HELZ: variants seen among roughly 807,000 people sequenced by gnomAD.
HELZ encodes the protein helicase with zinc finger, also known as ATP-dependent RNA helicase with zinc finger domain.
In HELZ, 23 loss-of-function variants were observed where a neutral mutation model predicts 218.2. That is an observed-to-expected ratio of 0.11 (90% confidence interval 0.08 to 0.15). The LOEUF (loss-of-function observed/expected upper bound fraction) is 0.15. Among genes scored for constraint, HELZ ranks in the 10% least tolerant of loss-of-function variants. The pLI, the probability that HELZ is intolerant of heterozygous loss-of-function variation, is 1.00. For missense variants in HELZ, 1,813 were observed against 2,353.7 expected, an observed-to-expected ratio of 0.77 and a Z score of 4.75; for synonymous variants, 814 against 829.4, an observed-to-expected ratio of 0.98 and a Z score of 0.32.
At chr17:67,088,314 C>T (rs187083262) in intron 31 of HELZ, among the ~76,000 whole-genome samples, 3 of 152,170 alleles carry the variant, frequency 2.0e-5, no homozygotes, top group Admixed American at 6.5e-5. Flanking sequence ...GTACTTTCAC[C>T]ACTGTTGTTA....
chr17:67,191,170 C>T (rs1295773331), intron 9 of HELZ, among the ~76,000 whole-genome samples: 1 of 152,158 alleles, frequency 6.6e-6, no homozygotes, highest in African/African-American at 2.4e-5. Flanking sequence ...CATTTTAAGG[C>T]TTTTACTTTT....
chr17:67,184,277 T>C (rs2039691118), intron 12 of HELZ, among the ~76,000 whole-genome samples: 2 of 152,228 alleles, frequency 1.3e-5, no homozygotes, highest in Admixed American at 1.3e-4. Flanking sequence ...TCTAAACTTA[T>C]TTGTACATGG....
intron 3 of HELZ, among the ~76,000 whole-genome samples, chr17:67,226,685 G>T (rs759278491): frequency 6.6e-6 from 1 of 152,000 alleles, no homozygotes; most frequent in Non-Finnish European, 1.5e-5. Flanking sequence ...TTCACACAAA[G>T]ATCTGAACAC....
intron 3 of HELZ, among the ~76,000 whole-genome samples, chr17:67,222,377 T>C (rs1004044117): frequency 6.6e-6 from 1 of 152,138 alleles, no homozygotes; most frequent in African/African-American, 2.4e-5. Flanking sequence ...ATCACAAAGA[T>C]TAATATCAAC....
chr17:67,220,675 T>C lies in HELZ; in HGVS notation c.-18-1853A>G, dbSNP rs149950189. Among the ~76,000 whole-genome samples, 4 of 152,106 alleles carry C rather than the reference T, an allele frequency of 2.6e-5. No individual in the cohort carries two copies. The East Asian group carries it at 5.8e-4, about 22-fold the overall frequency. The stretch of plus-strand genomic sequence containing the variant: ...ATCGTTATTTTATTTTATTTTTGTA[T>C]TGACAGGGTCTCCCTATGTTGCCCA... On this transcript the variant is annotated intron_variant, in intron 3 of 32. Coordinates refer to ENST00000358691, the MANE Select transcript of HELZ (RefSeq NM_014877.4).
rs2035980326 is a variant in HELZ at position 67,074,937 on chromosome 17, G to A, written c.*3315C>T. 1 of 151,838 alleles carries A rather than the reference G, an allele frequency of 6.6e-6. No individual in the cohort carries two copies. Among genetic ancestry groups the A allele is most frequent in the Non-Finnish European group, 1.5e-5 (1 of 67,956 alleles). 9.4% of individuals were successfully genotyped at this position (151,838 alleles called of 1,614,324 possible). A position where few individuals can be genotyped will look rare whatever the true frequency, so the allele number is the denominator to read the frequency against. ...TGACCTGGATAGAAAGCACATCTGT[G>A]TGAGGAAAGGAAAATTAAGGTCATG... is the stretch of plus-strand genomic sequence containing the variant. On this transcript the variant is annotated 3_prime_UTR_variant, in exon 33 of 33. Transcript: ENST00000358691.
chr17:67,216,013 G>A lies in HELZ; in HGVS notation c.211-78C>T, dbSNP rs1246573759. 4.7e-6 allele frequency: 4 copies of A among 849,602 alleles called. No individual in the cohort carries two copies. The South Asian group carries it at 5.7e-5, about 12-fold the overall frequency. 52.6% of individuals were successfully genotyped at this position (849,602 alleles called of 1,614,324 possible). A position where few individuals can be genotyped will look rare whatever the true frequency, so the allele number is the denominator to read the frequency against. On this transcript the variant is annotated intron_variant, in intron 4 of 32. Transcript: ENST00000358691. ...CAGAGATGTTGTCAAAGGGAAACTTGGCTTTGTTTCAAAGTTTAATCATTA... is the reference window on the plus strand; with the variant it reads ...CAGAGATGTTGTCAAAGGGAAACTTAGCTTTGTTTCAAAGTTTAATCATTA...
In HELZ at chr17:67,106,987, T is replaced by C. The variant is rs2037123377; in HGVS notation, c.5241+182A>G. Among the ~76,000 whole-genome samples, 3 of 152,314 alleles carry C rather than the reference T, an allele frequency of 2.0e-5. No individual in the cohort carries two copies. In the South Asian group the frequency reaches 6.2e-4, roughly 32 times the overall value. ...AAGGGGCTTCATGTTTCAACAAAAG[T>C]GTCCACTTTACAAAACCTGAAATAC... On this transcript the variant is annotated intron_variant, in intron 31 of 32. Transcript: ENST00000358691.
intron 22 of HELZ, among the ~76,000 whole-genome samples, chr17:67,136,648 A>G (rs2038160850): frequency 6.6e-6 from 1 of 152,208 alleles, no homozygotes; most frequent in Admixed American, 6.5e-5. Flanking sequence ...ATCTTACAAC[A>G]TGGATGAACC....
intron 3 of HELZ, among the ~76,000 whole-genome samples, chr17:67,229,941 T>G (rs1245374485): frequency 6.6e-6 from 1 of 152,250 alleles, no homozygotes; most frequent in Non-Finnish European, 1.5e-5. Flanking sequence ...TGGTCTCTTT[T>G]GAATAATCAT....
At chr17:67,237,455 T>C (rs2041214187) in intron 3 of HELZ, among the ~76,000 whole-genome samples, 1 of 152,154 alleles carries the variant, frequency 6.6e-6, no homozygotes, top group African/African-American at 2.4e-5. Flanking sequence ...AAGGCTAACT[T>C]GCTGACTTAG....
At chr17:67,157,297 G>T (rs985273682) in intron 17 of HELZ, among the ~76,000 whole-genome samples, 1 of 151,022 alleles carries the variant, frequency 6.6e-6, no homozygotes, top group African/African-American at 2.5e-5. Context: ...TCCTCAAAGA[G>T]GGGGGAAAAA....
rs1598327432 is a variant in HELZ at position 67,151,103 on chromosome 17, C to T, written c.2299G>A (p.Val767Met). 1 of 1,613,948 alleles carries T rather than the reference C, an allele frequency of 6.2e-7. No individual in the cohort carries two copies. The highest frequency in any genetic ancestry group is 1.7e-5 in the Admixed American group (1 of 60,022). Residue 767 changes from valine (V) to methionine (M), a missense_variant, in exon 18 of 33, where the codon GTG becomes ATG. By Grantham distance (21) the Val-to-Met change is conservative. Around this residue, in one of 4 missense-constraint regions of HELZ, gnomAD observed 714 missense variants for 1,029.2 expected, o/e 0.69. Coordinates refer to ENST00000358691, the MANE Select transcript of HELZ (RefSeq NM_014877.4). ...GAAGTATTCAAGGTAACAACCACCACTCGATGTTTAAGAATATCTTCTTTC... is the reference window on the plus strand; with the variant it reads ...GAAGTATTCAAGGTAACAACCACCATTCGATGTTTAAGAATATCTTCTTTC... Reference protein sequence around the residue: ...PQKEDILKHRVVVVTLNTSQY... With the variant: ...PQKEDILKHRMVVVTLNTSQY...
At chr17:67,238,804 T>C (rs1404382562) in intron 3 of HELZ, among the ~76,000 whole-genome samples, 2 of 152,208 alleles carry the variant, frequency 1.3e-5, no homozygotes, top group East Asian at 1.9e-4. Context: ...GAAGACACCA[T>C]AGCTGACCAA....
intron 1 of HELZ, chr17:67,244,615 C>G: frequency 4.2e-6 from 4 of 950,486 alleles, no homozygotes; most frequent in Non-Finnish European, 3.8e-6. Context: ...AATCTCGGGC[C>G]GAGAGCCCTC....
At chr17:67,214,259 C>CTTTTTTTTTTTTTTTTTTTTTTTTT (rs777420102) in intron 5 of HELZ, among the ~76,000 whole-genome samples, 1 of 87,740 alleles carries the variant, frequency 1.1e-5, no homozygotes, top group Non-Finnish European at 2.1e-5. Flanking sequence ...ATTAATATTT[C>CTTTTTTTTTTTTTTTTTTTTTTTTT]TTTTTTTTTT....
intron 30 of HELZ, among the ~76,000 whole-genome samples, 184 bp from the exon 31 acceptor site, chr17:67,107,869 T>C (rs1258361952): frequency 1.3e-5 from 2 of 152,214 alleles, no homozygotes; most frequent in African/African-American, 4.8e-5. Flanking sequence ...AAATTAAATA[T>C]GCTCAATTAC....
chr17:67,238,448 G>A (rs1247335017), intron 3 of HELZ, among the ~76,000 whole-genome samples: 1 of 151,640 alleles, frequency 6.6e-6, no homozygotes, highest in South Asian at 2.1e-4. Flanking sequence ...TTGGGAGGCC[G>A]AAGCGAGTGG....
chr17:67,110,709 C>T lies in HELZ; in HGVS notation c.3919-1023G>A, dbSNP rs541180224. ...TTTTGTAAATAAGGTTTTCTTGGAA[C>T]ACAGTCACACTCATTTGTTTACATG... is the stretch of plus-strand genomic sequence containing the variant. On this transcript the variant is annotated intron_variant, in intron 28 of 32. Transcript: ENST00000358691. Among the ~76,000 whole-genome samples the T allele has an allele frequency of 5.3e-5, 8 of 152,264 alleles. No individual in the cohort carries two copies. In the South Asian group the frequency reaches 1.5e-3, roughly 28 times the overall value.
Sources: gnomAD v4.1 joint callset for allele counts (sites outside exome capture counted in the v4.1 genomes callset) on GRCh38, gnomAD v4.1.1 for gene constraint, gnomAD v4.1.1 regional missense constraint, MANE v1.5 for transcripts, NCBI Gene and HGNC (gene_info 2026-07-23, HGNC 2026-07-21) for gene names.